RSPO2: variants seen among roughly 807,000 people sequenced by gnomAD.
RSPO2 encodes the protein R-spondin 2.
RSPO2 carries 14 observed loss-of-function variants against 30.9 expected under a neutral mutation model. The ratio of observed to expected loss-of-function variants is 0.45; its 90% confidence interval spans 0.30 to 0.71. The LOEUF is 0.71. RSPO2 is among the 30% of genes least tolerant of loss of function. The pLI, the probability that RSPO2 is intolerant of heterozygous loss-of-function variation, is 0.08. For missense variants in RSPO2, 264 were observed against 301.9 expected (o/e 0.87, Z 0.93); for synonymous variants, 107 against 96.4 (o/e 1.11, Z -0.64).
intron 2 of RSPO2, among the ~76,000 whole-genome samples, chr8:108,003,615 TTCTG>T (rs1468630882): frequency 1.3e-5 from 2 of 151,888 alleles, no homozygotes; most frequent in Non-Finnish European, 2.9e-5. Flanking sequence ...TCTAACAAGG[TTCTG>T]TCTATTATGA....
Position 108,082,668 on chromosome 8 carries a change from C to A in RSPO2, c.-30G>T. On this transcript the variant is annotated 5_prime_UTR_variant, in exon 2 of 6. Transcript: ENST00000276659. ...GCGGTCGGGCGGGGGAGAGACGCCTCTCAAAGTCTAGGAACTGGAGGGTTC... is the reference window on the plus strand; with the variant it reads ...GCGGTCGGGCGGGGGAGAGACGCCTATCAAAGTCTAGGAACTGGAGGGTTC... The A allele has an allele frequency of 1.9e-6, 3 of 1,582,406 alleles. No individual in the cohort carries two copies. The highest frequency in any genetic ancestry group is 2.6e-6 in the Non-Finnish European group (3 of 1,151,870).
Position 108,055,397 on chromosome 8 carries a change from G to A in RSPO2, c.94+27148C>T, listed in dbSNP as rs894413546. ...TAGGCGAGGAGTTTGTTTTATTTGA[G>A]GTGTAATAGAAATCCACTGAAGCAT... is the stretch of plus-strand genomic sequence containing the variant. On this transcript the variant is annotated intron_variant, in intron 2 of 5. Coordinates refer to ENST00000276659, the MANE Select transcript of RSPO2 (RefSeq NM_178565.5). Among the ~76,000 whole-genome samples the A allele has an allele frequency of 1.6e-4, 25 of 152,054 alleles. 1 individual carries two copies. Among genetic ancestry groups the A allele is most frequent in the African/African-American group, 6.0e-4 (25 of 41,404 alleles).
intron 5 of RSPO2, among the ~76,000 whole-genome samples, chr8:107,907,345 G>A (rs1270841850): frequency 1.3e-5 from 2 of 151,958 alleles, no homozygotes; most frequent in Non-Finnish European, 2.9e-5. Flanking sequence ...AGATAGCTGT[G>A]TTTTGAAAGG....
intron 2 of RSPO2, among the ~76,000 whole-genome samples, chr8:108,041,916 T>C (rs2130658178): frequency 6.6e-6 from 1 of 152,204 alleles, no homozygotes; most frequent in African/African-American, 2.4e-5. Context: ...AAGATGACCA[T>C]GGGTCCATTT....
At position 107,975,266 on chromosome 8, in the gene RSPO2, TAA is replaced by T. The variant is rs1814167912; in HGVS notation, c.283+13788_283+13789del. ...TAAATAGGAATGCCTTCATTAAATG[TAA>T]AAATAGTTTCAATTTACAGTTTTTC... On this transcript the variant is annotated intron_variant, in intron 3 of 5. Coordinates refer to ENST00000276659, the MANE Select transcript of RSPO2 (RefSeq NM_178565.5). Among the ~76,000 whole-genome samples the T allele has an allele frequency of 7.2e-5, 11 of 152,348 alleles. No homozygotes were observed. In the South Asian group the frequency reaches 2.3e-3, roughly 32 times the overall value.
At chr8:108,077,616 C>T (rs1021317019) in intron 2 of RSPO2, among the ~76,000 whole-genome samples, 7 of 152,094 alleles carry the variant, frequency 4.6e-5, no homozygotes, top group African/African-American at 1.4e-4. Context: ...CTATACTCAT[C>T]GCTTTCCCTA....
At chr8:108,039,120 C>A (rs1179768559) in intron 2 of RSPO2, among the ~76,000 whole-genome samples, 1 of 152,112 alleles carries the variant, frequency 6.6e-6, no homozygotes, top group African/African-American at 2.4e-5. Flanking sequence ...ATCATTTTTC[C>A]TGACATTTCC....
chr8:108,064,168 A>T (rs1355999047), intron 2 of RSPO2, among the ~76,000 whole-genome samples: 1 of 152,208 alleles, frequency 6.6e-6, no homozygotes, highest in Non-Finnish European at 1.5e-5. Context: ...CAAAAGCCAA[A>T]ATTGACAAAT....
intron 5 of RSPO2, among the ~76,000 whole-genome samples, chr8:107,953,377 G>A (rs1440369437): frequency 6.6e-6 from 1 of 152,198 alleles, no homozygotes; most frequent in Non-Finnish European, 1.5e-5. Flanking sequence ...AAGGAGAGTA[G>A]GGCCTTCACA....
In RSPO2 at chr8:108,068,078, C is replaced by CA. The variant is rs796563992; in HGVS notation, c.94+14466dup. On this transcript the variant is annotated intron_variant, in intron 2 of 5. Transcript: ENST00000276659. ...AGTGAGACTCCGTCTCAAAAACAAA[C>CA]AAAAAAAAAACAGCTAAACTGAATG... 5.4e-4 allele frequency among the ~76,000 whole-genome samples: 77 copies of CA among 143,356 alleles called. 1 individual carries two copies. The highest frequency in any genetic ancestry group is 3.6e-3 in the Middle Eastern group (1 of 280). 94.0% of individuals were successfully genotyped at this position (143,356 alleles called of 152,430 possible).
chr8:108,068,671 C>A (rs1812744806), intron 2 of RSPO2, among the ~76,000 whole-genome samples: 1 of 152,092 alleles, frequency 6.6e-6, no homozygotes, highest in African/African-American at 2.4e-5. Context: ...AAGGTGAGCC[C>A]TAATCTAATA....
chr8:107,960,355 T>C (rs78769408), intron 4 of RSPO2, among the ~76,000 whole-genome samples: 2,519 of 152,188 alleles, frequency 0.017, 71 homozygotes, highest in African/African-American at 0.057. Flanking sequence ...AAAACTTCTC[T>C]TCTGAACAAA....
chr8:107,911,618 G>A (rs73315486), intron 5 of RSPO2, among the ~76,000 whole-genome samples: 198 of 152,206 alleles, frequency 1.3e-3, no homozygotes, highest in African/African-American at 3.2e-3. Flanking sequence ...AAACGATAGC[G>A]CTATATAAGG....
intron 5 of RSPO2, among the ~76,000 whole-genome samples, chr8:107,951,043 GTTT>G (rs767290459): frequency 2.1e-4 from 18 of 85,898 alleles, no homozygotes; most frequent in Admixed American, 5.1e-4. Flanking sequence ...GGGAGAATAA[GTTT>G]TTTTTTGTTG....
intron 5 of RSPO2, among the ~76,000 whole-genome samples, chr8:107,950,276 TATTAA>T (rs1302790454): frequency 3.3e-5 from 5 of 152,218 alleles, no homozygotes; most frequent in African/African-American, 1.2e-4. Flanking sequence ...TAAAAGCTGC[TATTAA>T]ATTGATATTT....
intron 3 of RSPO2, among the ~76,000 whole-genome samples, chr8:107,966,286 ACAGGTAACAGTCCCTATGGGCCAACCAT>A (rs1196688610): frequency 6.6e-6 from 1 of 152,168 alleles, no homozygotes; most frequent in Non-Finnish European, 1.5e-5. Flanking sequence ...CCTCATTGAG[ACAGGTAACAGTCCCTATGGGCCAACCAT>A]CCTGACAGGT....
chr8:108,044,391 T>C (rs1301575222), intron 2 of RSPO2, among the ~76,000 whole-genome samples: 3 of 152,096 alleles, frequency 2.0e-5, no homozygotes, highest in Non-Finnish European at 4.4e-5. Context: ...CCCCTCTCTG[T>C]GCACTCTCAG....
intron 5 of RSPO2, among the ~76,000 whole-genome samples, chr8:107,953,806 C>T (rs780387086): frequency 1.3e-5 from 2 of 152,112 alleles, no homozygotes; most frequent in Non-Finnish European, 2.9e-5. Context: ...AAAAAATTTC[C>T]CTTAAAGCTT....
intron 5 of RSPO2, among the ~76,000 whole-genome samples, chr8:107,956,093 T>C (rs183375753): frequency 6.6e-6 from 1 of 152,342 alleles, no homozygotes; most frequent in Admixed American, 6.5e-5. Flanking sequence ...CGCCAATTTT[T>C]ATCAATCGGT....
Sources: gnomAD v4.1 joint callset for allele counts (sites outside exome capture counted in the v4.1 genomes callset) on GRCh38, gnomAD v4.1.1 for gene constraint, MANE v1.5 for transcripts, NCBI Gene and HGNC (gene_info 2026-07-23, HGNC 2026-07-21) for gene names.